The following ZNF385D variants were observed in gnomAD, a reference collection of about 807,000 sequenced individuals.
The protein encoded by ZNF385D is zinc finger protein 659.
Under a neutral mutation model 35.8 loss-of-function variants are expected in ZNF385D, and 15 were observed. The observed-to-expected ratio is 0.42, with a 90% CI of 0.28 to 0.64. ZNF385D has a LOEUF of 0.64. ZNF385D is among the 30% of genes least tolerant of loss of function. ZNF385D has a pLI of 0.23. For missense variants in ZNF385D, 474 were observed against 494.6 expected (o/e 0.96, Z 0.39); for synonymous variants, 212 against 186.8 (o/e 1.13, Z -1.10).
chr3:22,106,496 T>C (rs1702219994), intron 3 of ZNF385D, among the ~76,000 whole-genome samples: 1 of 152,122 alleles, frequency 6.6e-6, no homozygotes. Context: ...TTTCAGTGAG[T>C]TACTGGAAAA....
Position 21,868,096 on chromosome 3 carries a change from T to C in ZNF385D, c.326-203068A>G, listed in dbSNP as rs566333451. Among the ~76,000 whole-genome samples, 42 of 152,224 alleles carry C rather than the reference T, an allele frequency of 2.8e-4. 1 individual carries two copies. The highest frequency in any genetic ancestry group is 6.2e-4 in the South Asian group (3 of 4,832). ...ATTTGCTAGGTTCTGTGTTAAGAAA[T>C]GTACAAGCATTTTTTCATTTCACTA... On this transcript the variant is annotated intron_variant, in intron 3 of 5. Transcript: ENST00000494108.
chr3:21,868,651 C>T lies in ZNF385D; in HGVS notation c.326-203623G>A, dbSNP rs191638429. Reference sequence around the variant, plus strand: ...ACTGTGGGACAATTCTTGGTTCCAACCATTGGACACAGTGGAGAGTTATTA... The same window carrying T: ...ACTGTGGGACAATTCTTGGTTCCAATCATTGGACACAGTGGAGAGTTATTA... On this transcript the variant is annotated intron_variant, in intron 3 of 5. Coordinates refer to the ZNF385D transcript ENST00000494108. Among the ~76,000 whole-genome samples the T allele has an allele frequency of 9.6e-4, 146 of 152,180 alleles. 1 individual carries two copies. In the East Asian group the frequency reaches 0.024, roughly 25 times the overall value.
At chr3:21,842,617 G>A (rs907012421) in intron 3 of ZNF385D, among the ~76,000 whole-genome samples, 1 of 152,090 alleles carries the variant, frequency 6.6e-6, no homozygotes. Flanking sequence ...GTCTGAGGAT[G>A]TGAATTTATA....
chr3:22,360,944 T>C (rs1331318555), intron 2 of ZNF385D, among the ~76,000 whole-genome samples: 1 of 152,022 alleles, frequency 6.6e-6, no homozygotes, highest in Non-Finnish European at 1.5e-5. Context: ...ATGCGACCTC[T>C]CTAGAGATCA....
At chr3:21,891,156 T>C (rs756946025) in intron 3 of ZNF385D, among the ~76,000 whole-genome samples, 10 of 152,148 alleles carry the variant, frequency 6.6e-5, no homozygotes, top group Non-Finnish European at 8.8e-5. Flanking sequence ...AGAGGGAAAG[T>C]GTTTATCTAA....
chr3:22,076,333 C>T (rs1008308928), intron 3 of ZNF385D, among the ~76,000 whole-genome samples: 2 of 152,016 alleles, frequency 1.3e-5, no homozygotes, highest in African/African-American at 2.4e-5. Context: ...TTGGTCACTT[C>T]GGTCCAGTCT....
chr3:22,149,318 C>T (rs926207742), intron 3 of ZNF385D, among the ~76,000 whole-genome samples: 1 of 152,140 alleles, frequency 6.6e-6, no homozygotes, highest in African/African-American at 2.4e-5. Context: ...ATAGTAATTA[C>T]AGATAACACT....
intron 3 of ZNF385D, among the ~76,000 whole-genome samples, chr3:22,050,349 A>C (rs912963073): frequency 6.6e-6 from 1 of 152,104 alleles, no homozygotes; most frequent in Non-Finnish European, 1.5e-5. Context: ...GTGACAGAGC[A>C]AGACTCTGTC....
At chr3:21,900,601 A>G (rs1699354912) in intron 3 of ZNF385D, among the ~76,000 whole-genome samples, 1 of 152,208 alleles carries the variant, frequency 6.6e-6, no homozygotes, top group Admixed American at 6.5e-5. Flanking sequence ...ACATGGGGCC[A>G]GAATAAGAAC....
intron 2 of ZNF385D, among the ~76,000 whole-genome samples, chr3:21,593,209 C>T (rs1429960050): frequency 6.6e-6 from 1 of 152,118 alleles, no homozygotes; most frequent in Non-Finnish European, 1.5e-5. Context: ...AGGACTCTGG[C>T]TATCTGTCCT....
intron 2 of ZNF385D, among the ~76,000 whole-genome samples, chr3:21,586,627 T>TA (rs112400902): frequency 0.024 from 3,726 of 152,260 alleles, 154 homozygotes; most frequent in African/African-American, 0.085. Context: ...GCTGAACATG[T>TA]AGGCTTGCAA....
intron 3 of ZNF385D, among the ~76,000 whole-genome samples, chr3:22,107,994 T>C (rs1164393895): frequency 2.6e-5 from 4 of 151,808 alleles, no homozygotes; most frequent in Non-Finnish European, 5.9e-5. Flanking sequence ...GGCTATCTCC[T>C]GCCCTTCTGC....
chr3:21,818,109 A>C (rs1321244936), intron 3 of ZNF385D, among the ~76,000 whole-genome samples: 1 of 151,370 alleles, frequency 6.6e-6, no homozygotes, highest in Admixed American at 6.6e-5. Context: ...GTTCTCACTC[A>C]TAGGTGGGAA....
chr3:22,112,468 T>C (rs767427282), intron 3 of ZNF385D, among the ~76,000 whole-genome samples: 8 of 152,146 alleles, frequency 5.3e-5, no homozygotes, highest in Non-Finnish European at 7.4e-5. Flanking sequence ...TACCAAATCG[T>C]ACCAGTAATT....
At chr3:21,976,752 G>A (rs538383720) in intron 3 of ZNF385D, among the ~76,000 whole-genome samples, 1 of 152,272 alleles carries the variant, frequency 6.6e-6, no homozygotes, top group Admixed American at 6.5e-5. Context: ...CAGCACTTTG[G>A]GAAGCCAAGG....
intron 4 of ZNF385D, among the ~76,000 whole-genome samples, chr3:21,450,001 G>T (rs1270299034): frequency 2.0e-5 from 3 of 152,218 alleles, no homozygotes; most frequent in African/African-American, 4.8e-5. Context: ...GAGCCAGAAG[G>T]CAAGCTGGGT....
intron 2 of ZNF385D, among the ~76,000 whole-genome samples, chr3:22,327,355 G>GA (rs200830497): frequency 0.027 from 4,141 of 152,132 alleles, 173 homozygotes; most frequent in African/African-American, 0.093. Context: ...ACTACAAGTA[G>GA]AAAAAAATCA....
intron 3 of ZNF385D, among the ~76,000 whole-genome samples, chr3:21,525,538 G>C (rs958798920): frequency 6.6e-6 from 1 of 151,822 alleles, no homozygotes; most frequent in South Asian, 2.1e-4. Flanking sequence ...TACAAAATTA[G>C]CCAGGCGTGG....
At chr3:22,159,226 C>T (rs1043086627) in intron 3 of ZNF385D, among the ~76,000 whole-genome samples, 3 of 152,040 alleles carry the variant, frequency 2.0e-5, no homozygotes, top group Non-Finnish European at 2.9e-5. Flanking sequence ...CACACTCACT[C>T]CCACGCACAT....
Sources: gnomAD v4.1 joint callset for allele counts (sites outside exome capture counted in the v4.1 genomes callset) on GRCh38, gnomAD v4.1.1 for gene constraint, MANE v1.5 for transcripts, NCBI Gene and HGNC (gene_info 2026-07-23, HGNC 2026-07-21) for gene names.